Variants in VPS13C observed in about 807,000 individuals in gnomAD.
The protein encoded by VPS13C is vacuolar protein sorting 13 homolog C.
VPS13C carries 358 observed loss-of-function variants against 456.8 expected under a neutral mutation model. That is an observed-to-expected ratio of 0.78 (90% CI 0.72 to 0.86). VPS13C has a LOEUF of 0.86. VPS13C is among the 40% of genes least tolerant of loss of function. The pLI, the probability that VPS13C is intolerant of heterozygous loss-of-function variation, is 0.00. For missense variants in VPS13C, 4,818 were observed against 4,385.4 expected (o/e 1.10, Z -2.79); for synonymous variants, 1,578 against 1,486.7 (o/e 1.06, Z -1.41).
intron 66 of VPS13C, among the ~76,000 whole-genome samples, chr15:61,905,976 C>G (rs1480807058): frequency 6.6e-6 from 1 of 152,080 alleles, no homozygotes; most frequent in Non-Finnish European, 1.5e-5. Flanking sequence ...TTTCGAAATG[C>G]TTCTTCTGGT....
At chr15:62,009,446 C>T (rs8033716) in intron 13 of VPS13C, among the ~76,000 whole-genome samples, 2 of 151,844 alleles carry the variant, frequency 1.3e-5, no homozygotes, top group South Asian at 2.1e-4. Flanking sequence ...ACCTACCATG[C>T]GGCTGTTTAT....
intron 61 of VPS13C, 133 bp from the exon 62 acceptor site, chr15:61,913,548 T>C (rs1303303983): frequency 1.0e-5 from 7 of 675,864 alleles, no homozygotes; most frequent in East Asian, 8.5e-5. Context: ...CAAAGCCATA[T>C]TGCAAACAGG....
chr15:61,949,563 A>T lies in VPS13C; in HGVS notation c.4639T>A (p.Leu1547Ile). 1.2e-6 allele frequency: 2 copies of T among 1,612,044 alleles called. No homozygotes were observed. The highest frequency in any genetic ancestry group is 2.7e-5 in the African/African-American group (2 of 74,884). The change falls in exon 42 of 85, where the codon TTA becomes ATA. Residue 1547 changes from leucine to isoleucine, a missense_variant. Leu to Ile is a conservative substitution (Grantham distance 5). Around this residue, in one of 3 missense-constraint regions of VPS13C, gnomAD observed 4,552 missense variants for 4,130.6 expected, o/e 1.10. Transcript: ENST00000644861. ...GATAAAAAATCCATGAAGGAAAGTA[A>T]AGCTTCCAAATGAAGTACTAAGTCT... is the stretch of plus-strand genomic sequence containing the variant. ...SLDLVLHLEA[L>I]LSFMDFLSSA...
intron 30 of VPS13C, 41 bp from the exon 31 acceptor site, chr15:61,964,902 A>G (rs764444540): frequency 4.4e-6 from 7 of 1,573,998 alleles, no homozygotes; most frequent in Non-Finnish European, 5.2e-6. Context: ...TCCACAGCCA[A>G]TTATAACCTG....
chr15:61,967,173 G>A (rs914900818), intron 29 of VPS13C, among the ~76,000 whole-genome samples, 195 bp downstream of exon 29: 1 of 151,908 alleles, frequency 6.6e-6, no homozygotes, highest in Non-Finnish European at 1.5e-5. Context: ...AAGAAGTTTA[G>A]TGACTTTGTA....
At chr15:61,938,834 C>T (rs978696728) in intron 47 of VPS13C, among the ~76,000 whole-genome samples, 27 of 152,212 alleles carry the variant, frequency 1.8e-4, no homozygotes, top group African/African-American at 5.8e-4. Context: ...CTTCTCCTTT[C>T]GCCCTTAGAG....
chr15:61,924,853 CAGAG>C (rs1272068384), intron 53 of VPS13C, among the ~76,000 whole-genome samples: 1 of 152,118 alleles, frequency 6.6e-6, no homozygotes, highest in Non-Finnish European at 1.5e-5. Flanking sequence ...TTTGTGCAAA[CAGAG>C]AAATAGATTG....
intron 9 of VPS13C, among the ~76,000 whole-genome samples, chr15:62,019,480 TA>T (rs1485763392): frequency 5.3e-5 from 8 of 152,188 alleles, no homozygotes; most frequent in African/African-American, 1.9e-4. Flanking sequence ...GAGATTCTGG[TA>T]TGTTGTGTCT....
At chr15:62,003,777 T>C (rs1031606865) in intron 15 of VPS13C, among the ~76,000 whole-genome samples, 1 of 151,952 alleles carries the variant, frequency 6.6e-6, no homozygotes, top group East Asian at 1.9e-4. Context: ...ATTGAGATAA[T>C]CATGTGGTTT....
In VPS13C at chr15:61,937,598, G is replaced by A. The variant is rs575433108; in HGVS notation, c.5602-848C>T. 4.5e-4 allele frequency among the ~76,000 whole-genome samples: 68 copies of A among 152,190 alleles called. 2 individuals carry two copies. Among genetic ancestry groups the A allele is most frequent in the Admixed American group, 3.3e-3 (50 of 15,286 alleles). ...CACGCCATTCTCCTGCCTCAACCTC[G>A]TGAGTAGCTAGAACTACTGGCGCCC... On this transcript the variant is annotated intron_variant, in intron 47 of 84. Coordinates refer to ENST00000644861, the MANE Select transcript of VPS13C (RefSeq NM_020821.3).
At chr15:61,857,592 G>A (rs1169149159) in intron 82 of VPS13C, among the ~76,000 whole-genome samples, 1 of 152,150 alleles carries the variant, frequency 6.6e-6, no homozygotes, top group Non-Finnish European at 1.5e-5. Flanking sequence ...TAATGAAACA[G>A]GAAATGACGT....
At position 61,854,081 on chromosome 15, in the gene VPS13C, C is replaced by A. The variant is rs1434754483; in HGVS notation, c.*376G>T. The stretch of plus-strand genomic sequence containing the variant: ...CCCCAAAAAAACAAAAATAAAAAAA[C>A]CTTTCAAAGAACACTAGTCATTCTA... On this transcript the variant is annotated 3_prime_UTR_variant, in exon 85 of 85. Transcript: ENST00000644861. The A allele has an allele frequency of 2.2e-5, 4 of 178,258 alleles. No homozygotes were observed. Among genetic ancestry groups the A allele is most frequent in the African/African-American group, 7.1e-5 (3 of 42,092 alleles). The allele number at this position is 178,258 out of a possible 1,614,324, so 11.0% of individuals were successfully genotyped here.
At chr15:61,885,002 A>G (rs1896164802) in intron 67 of VPS13C, among the ~76,000 whole-genome samples, 1 of 152,128 alleles carries the variant, frequency 6.6e-6, no homozygotes, top group Admixed American at 6.6e-5. Context: ...CAATTGCACA[A>G]ATGAATTTTG....
At chr15:61,872,872 C>T (rs1192295754) in intron 78 of VPS13C, among the ~76,000 whole-genome samples, 1 of 151,984 alleles carries the variant, frequency 6.6e-6, no homozygotes, top group Non-Finnish European at 1.5e-5. Flanking sequence ...TAATGAAAGG[C>T]AGTTCCTGGA....
At chr15:61,902,208 A>G (rs2043021240) in intron 66 of VPS13C, among the ~76,000 whole-genome samples, 1 of 151,676 alleles carries the variant, frequency 6.6e-6, no homozygotes, top group African/African-American at 2.4e-5. Flanking sequence ...ACATGTATAC[A>G]TATGTAACTA....
At chr15:62,060,209 C>T (rs1015493076) in intron 1 of VPS13C, 66 bp downstream of exon 1, 158 of 916,162 alleles carry the variant, frequency 1.7e-4, no homozygotes, top group Non-Finnish European at 2.4e-4. Flanking sequence ...GGCAGAATCC[C>T]GGACGGAGCA....
In VPS13C at chr15:61,941,880, G is replaced by T; in HGVS notation, c.5336C>A (p.Ala1779Glu). The T allele has an allele frequency of 6.2e-7, 1 of 1,614,012 alleles. No individual in the cohort carries two copies. The highest frequency in any genetic ancestry group is 1.3e-5 in the African/African-American group (1 of 75,028). The part of the protein sequence containing the change: ...QSSVSPNAVI[A>E]DLGLIRVENK... Reference sequence around the variant, plus strand: ...TTCAACTCTGATTAAACCCAGATCTGCTATAACAGCATTAGGTGATACTGA... The same window carrying T: ...TTCAACTCTGATTAAACCCAGATCTTCTATAACAGCATTAGGTGATACTGA... The change falls in exon 46 of 85, where the codon GCA becomes GAA. Residue 1779 changes from alanine (A) to glutamate (E), a missense_variant. Ala to Glu is a moderately radical substitution (Grantham distance 107). Coordinates refer to ENST00000644861, the MANE Select transcript of VPS13C (RefSeq NM_020821.3).
chr15:61,901,778 C>T (rs1021083264), intron 66 of VPS13C, among the ~76,000 whole-genome samples: 2 of 151,856 alleles, frequency 1.3e-5, no homozygotes, highest in African/African-American at 2.4e-5. Context: ...ACCCAAAGGA[C>T]TATAAATCAT....
At chr15:61,928,562 C>T (rs2043946893) in intron 51 of VPS13C, among the ~76,000 whole-genome samples, 1 of 152,166 alleles carries the variant, frequency 6.6e-6, no homozygotes, top group Admixed American at 6.5e-5. Flanking sequence ...AGAAAAATAT[C>T]TGACCTTAGA....
Sources: allele counts gnomAD v4.1 joint callset (sites outside exome capture counted in the v4.1 genomes callset), GRCh38; gene constraint gnomAD v4.1.1; regional missense constraint gnomAD v4.1.1; transcripts MANE v1.5; gene names NCBI Gene and HGNC (gene_info 2026-07-23, HGNC 2026-07-21).